Variants in VPS13B observed in about 807,000 individuals in gnomAD.
VPS13B encodes vacuolar protein sorting 13 homolog B, also known as intermembrane lipid transfer protein VPS13B.
A neutral mutation model predicts 426.4 loss-of-function variants in VPS13B; 285 were observed. The observed-to-expected ratio is 0.67, with a 90% confidence interval of 0.61 to 0.74. The LOEUF (loss-of-function observed/expected upper bound fraction) is 0.74. VPS13B is among the 30% of genes least tolerant of loss of function. VPS13B has a pLI of 0.00. For missense variants in VPS13B, 4,537 were observed against 4,782.6 expected, an observed-to-expected ratio of 0.95 and a Z score of 1.51; for synonymous variants, 1,676 against 1,676.4, an observed-to-expected ratio of 1.00 and a Z score of 0.01.
chr8:99,752,804 G>T (rs1342332155), intron 39 of VPS13B, among the ~76,000 whole-genome samples: 1 of 152,142 alleles, frequency 6.6e-6, no homozygotes, highest in Non-Finnish European at 1.5e-5. Context: ...AATTTTGAAA[G>T]AACCAACTAT....
At chr8:99,290,597 A>G (rs1158937733) in intron 19 of VPS13B, among the ~76,000 whole-genome samples, 1 of 151,978 alleles carries the variant, frequency 6.6e-6, no homozygotes, top group Admixed American at 6.6e-5. Context: ...TGGCACATGT[A>G]TACATATGTA....
intron 36 of VPS13B, 25 bp downstream of exon 36, chr8:99,699,957 G>A (rs765902813): frequency 6.8e-6 from 11 of 1,611,402 alleles, no homozygotes; most frequent in South Asian, 2.2e-5. Flanking sequence ...AGGGGAGGGG[G>A]GAGACAGAAC....
intron 19 of VPS13B, among the ~76,000 whole-genome samples, chr8:99,326,452 C>CTTTTTATTTTTTTTTT (rs1810269679): frequency 3.1e-5 from 1 of 32,524 alleles, no homozygotes; most frequent in Non-Finnish European, 5.2e-5. Context: ...CTCTAGGTAG[C>CTTTTTATTTTTTTTTT]TTTTTTTTTT....
At chr8:99,395,385 CT>C (rs1355647208) in intron 21 of VPS13B, among the ~76,000 whole-genome samples, 1 of 152,220 alleles carries the variant, frequency 6.6e-6, no homozygotes, top group Non-Finnish European at 1.5e-5. Flanking sequence ...GAGCTACGAT[CT>C]TAATGATTCC....
At position 99,875,400 on chromosome 8, in the gene VPS13B, A is replaced by ATTATT; in HGVS notation, c.11746-15_11746-11dup. On this transcript the variant is annotated splice_polypyrimidine_tract_variant and intron_variant, in intron 61 of 61. Coordinates refer to ENST00000357162, the MANE Select transcript of VPS13B (RefSeq NM_152564.5). ...CGTAAGGGTCTGGCAACTAATCTTT[A>ATTATT]TTATTTTTGGATCCTAGGTAGATGG... The ATTATT allele has an allele frequency of 6.2e-7, 1 of 1,614,142 alleles. No homozygotes were observed.
At chr8:99,183,111 T>G (rs1432527343) in intron 16 of VPS13B, among the ~76,000 whole-genome samples, 11 of 152,200 alleles carry the variant, frequency 7.2e-5, no homozygotes, top group African/African-American at 2.7e-4. Context: ...ACCTTGGTAT[T>G]GTATTTGAAT....
chr8:99,340,511 G>A (rs1588270009), intron 19 of VPS13B: 1 of 484,316 alleles, frequency 2.1e-6, no homozygotes, highest in Non-Finnish European at 4.2e-6. Context: ...CACAGCAAAT[G>A]TTGTGCCCCA....
At chr8:99,250,872 C>T (rs1817471290) in intron 17 of VPS13B, among the ~76,000 whole-genome samples, 1 of 149,798 alleles carries the variant, frequency 6.7e-6, no homozygotes, top group East Asian at 2.0e-4. Flanking sequence ...TAGTTTTTTG[C>T]ATACAAGTCC....
chr8:99,854,241 G>A lies in VPS13B; in HGVS notation c.10852G>A (p.Ala3618Thr), dbSNP rs373605057. Residue 3618 changes from alanine (A) to threonine (T), a missense_variant, in exon 56 of 62, where the codon GCC becomes ACC. Ala to Thr is a moderately conservative substitution (Grantham distance 58). Coordinates refer to ENST00000357162, the MANE Select transcript of VPS13B (RefSeq NM_152564.5). ...CCTGGCAATGCACTATGCCGCTGGG[G>A]CCCTTTTTAGAGCAGGTAAGAACAC... ...HALAMHYAAGALFRAGWVVGS... is the reference protein window; with the variant it reads ...HALAMHYAAGTLFRAGWVVGS... The A allele has an allele frequency of 6.2e-7, 1 of 1,613,662 alleles. No individual in the cohort carries two copies. The highest frequency in any genetic ancestry group is 8.5e-7 in the Non-Finnish European group (1 of 1,179,992).
At chr8:99,451,732 C>T (rs1273916190) in intron 23 of VPS13B, among the ~76,000 whole-genome samples, 1 of 152,106 alleles carries the variant, frequency 6.6e-6, no homozygotes, top group African/African-American at 2.4e-5. Context: ...CCGTAATAGG[C>T]TTATAACTCT....
intron 19 of VPS13B, among the ~76,000 whole-genome samples, chr8:99,368,327 T>A (rs1014251622): frequency 2.0e-5 from 3 of 152,216 alleles, no homozygotes; most frequent in African/African-American, 7.2e-5. Flanking sequence ...GAGTCCCCCC[T>A]ACCCCAACAC....
chr8:99,115,650 A>G (rs776078490), intron 6 of VPS13B, 50 bp from the exon 7 acceptor site: 5 of 1,569,304 alleles, frequency 3.2e-6, no homozygotes, highest in South Asian at 1.1e-5. Context: ...TGTAAAAAAT[A>G]CTCTTTTTAA....
At chr8:99,601,307 T>A (rs1031016860) in intron 33 of VPS13B, among the ~76,000 whole-genome samples, 1 of 152,224 alleles carries the variant, frequency 6.6e-6, no homozygotes, top group Non-Finnish European at 1.5e-5. Flanking sequence ...CCTTCGTTCA[T>A]GTCCCTGCAA....
chr8:99,132,901 T>C (rs542366431), intron 8 of VPS13B, among the ~76,000 whole-genome samples: 2 of 152,306 alleles, frequency 1.3e-5, no homozygotes, highest in African/African-American at 2.4e-5. Context: ...AGTCATTTTT[T>C]TTCCATTCAT....
intron 17 of VPS13B, among the ~76,000 whole-genome samples, chr8:99,220,809 C>G (rs1338445501): frequency 1.9e-5 from 2 of 105,518 alleles, no homozygotes; most frequent in African/African-American, 3.7e-5. Context: ...TTATTATACT[C>G]TAAGTTTTAG....
At chr8:99,269,255 A>G (rs1331515751) in intron 17 of VPS13B, among the ~76,000 whole-genome samples, 1 of 152,144 alleles carries the variant, frequency 6.6e-6, no homozygotes, top group Non-Finnish European at 1.5e-5. Context: ...TTATTTTTAG[A>G]TTATTGTATT....
intron 37 of VPS13B, among the ~76,000 whole-genome samples, chr8:99,717,686 T>C (rs1412666508): frequency 6.6e-6 from 1 of 152,160 alleles, no homozygotes; most frequent in Non-Finnish European, 1.5e-5. Context: ...CATTACCCTC[T>C]AACCCCCTTA....
intron 35 of VPS13B, among the ~76,000 whole-genome samples, chr8:99,672,364 T>C (rs1226957768): frequency 6.6e-6 from 1 of 152,166 alleles, no homozygotes; most frequent in Non-Finnish European, 1.5e-5. Flanking sequence ...AAGTATTTAA[T>C]AATTTTTTTA....
In VPS13B at chr8:99,191,473, T is replaced by C. The variant is rs182473630; in HGVS notation, c.2334-1403T>C. On this transcript the variant is annotated intron_variant, in intron 16 of 61. Coordinates refer to ENST00000357162, the MANE Select transcript of VPS13B (RefSeq NM_152564.5). The stretch of plus-strand genomic sequence containing the variant: ...ATCTCGGCTCACTGCAATTTCTGCC[T>C]CCTGAGTTTAAGCAATTCTCCTGCC... 2.8e-5 allele frequency among the ~76,000 whole-genome samples: 4 copies of C among 142,890 alleles called. No homozygotes were observed. In the Admixed American group the frequency reaches 2.9e-4, roughly 10 times the overall value. The allele number at this position is 142,890 out of a possible 152,430, so 93.7% of individuals were successfully genotyped here.
Sources: gnomAD v4.1 joint callset for allele counts (sites outside exome capture counted in the v4.1 genomes callset) on GRCh38, gnomAD v4.1.1 for gene constraint, MANE v1.5 for transcripts, NCBI Gene and HGNC (gene_info 2026-07-23, HGNC 2026-07-21) for gene names.